TMEM178B: variants seen among roughly 807,000 people sequenced by gnomAD.
TMEM178B encodes the protein transmembrane protein 178B.
Under a neutral mutation model 31.0 loss-of-function variants are expected in TMEM178B, and 5 were observed. That is an observed-to-expected ratio of 0.16 (90% CI 0.08 to 0.34). TMEM178B has a LOEUF of 0.34. Among genes scored for constraint, TMEM178B ranks in the 10% least tolerant of loss-of-function variants. The pLI is 1.00. For synonymous variants in TMEM178B, 164 were observed against 164.0 expected, an observed-to-expected ratio of 1.00 and a Z score of 0.00; for missense variants, 275 against 400.3, an observed-to-expected ratio of 0.69 and a Z score of 2.67.
At chr7:141,371,821 C>G (rs1419937637) in intron 2 of TMEM178B, among the ~76,000 whole-genome samples, 3 of 152,176 alleles carry the variant, frequency 2.0e-5, no homozygotes, top group Non-Finnish European at 4.4e-5. Context: ...CCTTCTCCTC[C>G]CTGCTAAAGC....
chr7:141,092,642 A>G (rs1794898900), intron 1 of TMEM178B, among the ~76,000 whole-genome samples: 1 of 152,238 alleles, frequency 6.6e-6, no homozygotes, highest in African/African-American at 2.4e-5. Context: ...AAATAGGCAA[A>G]ATCTTTTGCC....
chr7:141,336,759 C>A (rs900237424), intron 2 of TMEM178B, among the ~76,000 whole-genome samples: 6 of 151,284 alleles, frequency 4.0e-5, no homozygotes, highest in Admixed American at 2.0e-4. Flanking sequence ...ATTACCACCA[C>A]CAACACTACA....
chr7:141,467,162 T>A (rs1340350120), intron 3 of TMEM178B, among the ~76,000 whole-genome samples: 1 of 152,096 alleles, frequency 6.6e-6, no homozygotes, highest in East Asian at 1.9e-4. Context: ...TAGATTCCCA[T>A]GCTCTTCCCC....
chr7:141,436,906 G>A (rs1033653125), intron 2 of TMEM178B, among the ~76,000 whole-genome samples: 1 of 152,302 alleles, frequency 6.6e-6, no homozygotes, highest in African/African-American at 2.4e-5. Flanking sequence ...CGGGGGTGGA[G>A]GAGATGGAGT....
At chr7:141,134,095 C>T (rs1204933255) in intron 1 of TMEM178B, among the ~76,000 whole-genome samples, 2 of 151,980 alleles carry the variant, frequency 1.3e-5, no homozygotes, top group Non-Finnish European at 2.9e-5. Context: ...ATTAGGTGGA[C>T]ATGGTGGTGC....
chr7:141,468,781 C>G (rs1250590002), intron 3 of TMEM178B, among the ~76,000 whole-genome samples: 2 of 152,140 alleles, frequency 1.3e-5, no homozygotes, highest in African/African-American at 4.8e-5. Flanking sequence ...GAGAATAGCT[C>G]TCTCTCTTGC....
intron 2 of TMEM178B, among the ~76,000 whole-genome samples, chr7:141,386,687 C>G (rs1800436809): frequency 6.6e-6 from 1 of 152,122 alleles, no homozygotes; most frequent in South Asian, 2.1e-4. Flanking sequence ...AGCTGTGGAT[C>G]TTCTTCCAAA....
chr7:141,249,246 G>C (rs75131197), intron 2 of TMEM178B, among the ~76,000 whole-genome samples: 1 of 152,158 alleles, frequency 6.6e-6, no homozygotes, highest in Non-Finnish European at 1.5e-5. Context: ...TAAGTCTCCT[G>C]AGATCTGATG....
chr7:141,490,635 C>T, the TMEM178B span, among the ~76,000 whole-genome samples: 1 of 152,206 alleles, frequency 6.6e-6, no homozygotes, highest in African/African-American at 2.4e-5. Flanking sequence ...CAAGCTCGTA[C>T]ACCTATTGAG....
chr7:141,324,416 GTTTTTTTTTTTTTTTTTTTTT>G (rs56316531), intron 2 of TMEM178B, among the ~76,000 whole-genome samples: 18 of 85,778 alleles, frequency 2.1e-4, no homozygotes, highest in African/African-American at 4.0e-4. Flanking sequence ...GGAGACCAGG[GTTTTTTTTTTTTTTTTTTTTT>G]TTTTTTTTTT....
At chr7:141,130,571 C>A (rs1470453492) in intron 1 of TMEM178B, among the ~76,000 whole-genome samples, 1 of 152,110 alleles carries the variant, frequency 6.6e-6, no homozygotes, top group Non-Finnish European at 1.5e-5. Context: ...ATTTATTTAT[C>A]CATTCTACTG....
chr7:141,087,957 G>T (rs1794814961), intron 1 of TMEM178B, among the ~76,000 whole-genome samples: 2 of 152,194 alleles, frequency 1.3e-5, no homozygotes, highest in Admixed American at 1.3e-4. Context: ...TTTCAGGGGT[G>T]TTGAAGCAGA....
intron 1 of TMEM178B, among the ~76,000 whole-genome samples, chr7:141,088,635 A>G (rs1323641945): frequency 1.3e-5 from 2 of 152,224 alleles, no homozygotes; most frequent in East Asian, 1.9e-4. Context: ...CATGGGTCCA[A>G]AGGAATCTAT....
At chr7:141,443,646 CT>C (rs1034307773) in intron 3 of TMEM178B, among the ~76,000 whole-genome samples, 1 of 152,172 alleles carries the variant, frequency 6.6e-6, no homozygotes, top group African/African-American at 2.4e-5. Context: ...AGTTTCCACA[CT>C]GTAAAATTAT....
chr7:141,353,764 T>C (rs1204467782), intron 2 of TMEM178B, among the ~76,000 whole-genome samples: 1 of 152,228 alleles, frequency 6.6e-6, no homozygotes, highest in African/African-American at 2.4e-5. Context: ...TTTTCAGCCT[T>C]CTCTATTCAG....
At chr7:141,332,426 G>C (rs1799314265) in intron 2 of TMEM178B, among the ~76,000 whole-genome samples, 1 of 152,156 alleles carries the variant, frequency 6.6e-6, no homozygotes. Flanking sequence ...GAAGAATTCT[G>C]TTCATTCAGA....
At chr7:141,325,683 C>T (rs181493089) in intron 2 of TMEM178B, among the ~76,000 whole-genome samples, 5 of 152,280 alleles carry the variant, frequency 3.3e-5, no homozygotes, top group Admixed American at 3.3e-4. Context: ...GGTCCATGTT[C>T]TCAGACTTGG....
chr7:141,267,326 GT>G (rs1798109364), intron 2 of TMEM178B, among the ~76,000 whole-genome samples: 1 of 152,216 alleles, frequency 6.6e-6, no homozygotes, highest in Admixed American at 6.5e-5. Context: ...GCTTGAGTGA[GT>G]CCTACCTAGA....
intron 2 of TMEM178B, among the ~76,000 whole-genome samples, chr7:141,372,316 T>C (rs910319744): frequency 6.6e-6 from 1 of 152,184 alleles, no homozygotes; most frequent in African/African-American, 2.4e-5. Flanking sequence ...CTCTCCTCGC[T>C]GTCTCTGCTC....
Sources: gnomAD v4.1 joint callset for allele counts (sites outside exome capture counted in the v4.1 genomes callset) on GRCh38, gnomAD v4.1.1 for gene constraint, MANE v1.5 for transcripts, NCBI Gene and HGNC (gene_info 2026-07-23, HGNC 2026-07-21) for gene names.